The following DLGAP1 variants were observed in gnomAD, a reference collection of about 807,000 sequenced individuals.
DLGAP1 encodes DLG associated protein 1.
Under a neutral mutation model 90.8 loss-of-function variants are expected in DLGAP1, and 11 were observed. The observed-to-expected ratio is 0.12, with a 90% confidence interval of 0.08 to 0.20. The LOEUF (loss-of-function observed/expected upper bound fraction) is 0.20. DLGAP1 is among the 10% of genes least tolerant of loss of function. The pLI is 1.00. For synonymous variants in DLGAP1, 558 were observed against 540.7 expected, an observed-to-expected ratio of 1.03 and a Z score of -0.44; for missense variants, 1,050 against 1,333.8, an observed-to-expected ratio of 0.79 and a Z score of 3.31.
intron 2 of DLGAP1, among the ~76,000 whole-genome samples, chr18:4,091,335 G>C (rs1487075253): frequency 6.6e-6 from 1 of 152,122 alleles, no homozygotes; most frequent in Admixed American, 6.5e-5. Flanking sequence ...TTTGAATATG[G>C]TGTGTAGGTG....
At chr18:4,269,886 A>C (rs914387883) in intron 1 of DLGAP1, among the ~76,000 whole-genome samples, 4 of 152,144 alleles carry the variant, frequency 2.6e-5, no homozygotes, top group Non-Finnish European at 4.4e-5. Flanking sequence ...TCCTGAACTT[A>C]TGTCTGTTTT....
chr18:3,514,637 G>A (rs1461297004), intron 10 of DLGAP1, among the ~76,000 whole-genome samples: 1 of 152,192 alleles, frequency 6.6e-6, no homozygotes, highest in Admixed American at 6.5e-5. Context: ...AATAAAGTGA[G>A]TCACATGAAT....
At chr18:4,207,906 A>G (rs1163749020) in intron 1 of DLGAP1, among the ~76,000 whole-genome samples, 1 of 152,184 alleles carries the variant, frequency 6.6e-6, no homozygotes, top group African/African-American at 2.4e-5. Context: ...TAAATGCCTC[A>G]TATTGTATTA....
chr18:4,172,579 C>A (rs564966016), intron 1 of DLGAP1, among the ~76,000 whole-genome samples: 2 of 152,000 alleles, frequency 1.3e-5, no homozygotes, highest in Non-Finnish European at 2.9e-5. Flanking sequence ...TTGAGCCTAC[C>A]CATCAAATTA....
At chr18:3,999,528 T>C (rs2074137342) in intron 3 of DLGAP1, among the ~76,000 whole-genome samples, 1 of 152,208 alleles carries the variant, frequency 6.6e-6, no homozygotes, top group Admixed American at 6.5e-5. Context: ...TTCTACTCTT[T>C]TCCTATGTGG....
At position 4,342,645 on chromosome 18, in the gene DLGAP1, ATTTGT is replaced by A. The variant is rs984791948; in HGVS notation, c.-267+112356_-267+112360del. On this transcript the variant is annotated intron_variant, in intron 1 of 12. Coordinates refer to ENST00000315677, the MANE Select transcript of DLGAP1 (RefSeq NM_004746.4). The surrounding 1 kb of genome is among the most constrained non-coding windows in gnomAD (Gnocchi z 5.8). ...GGGAAATTAGCTCTATTGAAAATGT[ATTTGT>A]TTTGGTTTTGGTTAATACTACATTT... 3.5e-4 allele frequency among the ~76,000 whole-genome samples: 53 copies of A among 152,258 alleles called. 1 individual carries two copies. Among genetic ancestry groups the A allele is most frequent in the African/African-American group, 1.2e-3 (51 of 41,570 alleles).
At chr18:4,248,376 A>G (rs1310251569) in intron 1 of DLGAP1, among the ~76,000 whole-genome samples, 1 of 152,194 alleles carries the variant, frequency 6.6e-6, no homozygotes, top group Non-Finnish European at 1.5e-5. Context: ...ACTTTACTGC[A>G]TGAGGATTTC....
At chr18:4,314,719 A>G (rs1225950582) in intron 1 of DLGAP1, among the ~76,000 whole-genome samples, 1 of 152,230 alleles carries the variant, frequency 6.6e-6, no homozygotes, top group Non-Finnish European at 1.5e-5. Flanking sequence ...GAAGACATCC[A>G]GAAAACAAGA....
chr18:3,663,077 G>T (rs2059742756), intron 7 of DLGAP1, among the ~76,000 whole-genome samples: 1 of 152,090 alleles, frequency 6.6e-6, no homozygotes, highest in African/African-American at 2.4e-5. Context: ...TTCGAGATCA[G>T]CCTGACCAAC....
At position 3,871,429 on chromosome 18, in the gene DLGAP1, T is replaced by C. The variant is rs182483633; in HGVS notation, c.957+7683A>G. 2.2e-3 allele frequency among the ~76,000 whole-genome samples: 340 copies of C among 152,310 alleles called. 2 individuals carry two copies. The highest frequency in any genetic ancestry group is 3.1e-3 in the Non-Finnish European group (213 of 68,024). ...CCAACTCTGCCTGGTCCTTTAATTA[T>C]GTATCTTATGATTTTAGAGTCTCGG... On this transcript the variant is annotated intron_variant, in intron 4 of 12. Coordinates refer to ENST00000315677, the MANE Select transcript of DLGAP1 (RefSeq NM_004746.4).
intron 5 of DLGAP1, among the ~76,000 whole-genome samples, chr18:3,790,503 A>G (rs2065683095): frequency 1.3e-5 from 2 of 152,102 alleles, no homozygotes; most frequent in African/African-American, 4.8e-5. Context: ...TCCCGGGCTC[A>G]AGTGATCCTC....
rs187677901 is a variant in DLGAP1, at chr18:3,633,797, T to A, written c.1592-51549A>T. Among the ~76,000 whole-genome samples the A allele has an allele frequency of 6.8e-4, 104 of 152,328 alleles. 1 individual carries two copies. In the East Asian group the frequency reaches 9.8e-3, roughly 14 times the overall value. ...ATTTCAAATGGTTTAAGAGACCCTC[T>A]AAAGTCCATTCATGGAGTCAGTGTA... On this transcript the variant is annotated intron_variant, in intron 7 of 12. Transcript: ENST00000315677.
intron 7 of DLGAP1, chr18:3,654,037 C>T (rs2059400774): frequency 6.6e-6 from 1 of 152,326 alleles, no homozygotes; most frequent in African/African-American, 2.4e-5. Context: ...CACGTCCCCC[C>T]AGCCCAACAA....
intron 1 of DLGAP1, among the ~76,000 whole-genome samples, chr18:4,192,567 C>T (rs2077421652): frequency 1.3e-5 from 2 of 152,214 alleles, no homozygotes; most frequent in Non-Finnish European, 2.9e-5. Flanking sequence ...TTTTATCAGC[C>T]TTTGTAAATG....
intron 7 of DLGAP1, among the ~76,000 whole-genome samples, chr18:3,698,285 G>A (rs1189950029): frequency 2.6e-5 from 4 of 152,178 alleles, no homozygotes; most frequent in Non-Finnish European, 4.4e-5. Context: ...AGTGTCAATG[G>A]TCTTTACAAT....
At chr18:3,767,299 C>T (rs950296778) in intron 5 of DLGAP1, among the ~76,000 whole-genome samples, 1 of 152,102 alleles carries the variant, frequency 6.6e-6, no homozygotes, top group African/African-American at 2.4e-5. Flanking sequence ...GATGGTTTCA[C>T]AGGAGGATGT....
chr18:4,220,932 A>G (rs1236691437), intron 1 of DLGAP1, among the ~76,000 whole-genome samples: 4 of 152,040 alleles, frequency 2.6e-5, no homozygotes, highest in Non-Finnish European at 5.9e-5. Context: ...TGCTTTTTCT[A>G]TGTTTAGATA....
At position 4,204,136 on chromosome 18, in the gene DLGAP1, C is replaced by T. The variant is rs78333740; in HGVS notation, c.-266-52849G>A. 1.2e-3 allele frequency among the ~76,000 whole-genome samples: 190 copies of T among 152,296 alleles called. 2 individuals carry two copies. The East Asian group carries it at 0.022, about 18-fold the overall frequency. On this transcript the variant is annotated intron_variant, in intron 1 of 12. Transcript: ENST00000315677. ...CATTCATCTTCTATAATATTTAACT[C>T]GGCTTAATCGCCATAATTCTTTCAA...
intron 8 of DLGAP1, among the ~76,000 whole-genome samples, chr18:3,572,265 T>C (rs1169492889): frequency 3.9e-5 from 6 of 152,146 alleles, no homozygotes; most frequent in Non-Finnish European, 7.4e-5. Context: ...GCAATTTTGC[T>C]TTGTTTTGAA....
Sources: allele counts gnomAD v4.1 joint callset (sites outside exome capture counted in the v4.1 genomes callset), GRCh38; gene constraint gnomAD v4.1.1; non-coding constraint Gnocchi (gnomAD v3.1); transcripts MANE v1.5; gene names NCBI Gene and HGNC (gene_info 2026-07-23, HGNC 2026-07-21).